The following ANKS1B variants were observed in gnomAD, a reference collection of about 807,000 sequenced individuals.
ANKS1B encodes the protein ankyrin repeat and sterile alpha motif domain-containing protein 1B.
A neutral mutation model predicts 148.3 loss-of-function variants in ANKS1B; 36 were observed. That is an observed-to-expected ratio of 0.24 (90% CI 0.19 to 0.32). The LOEUF is 0.32. ANKS1B is among the 10% of genes least tolerant of loss of function. The probability of loss-of-function intolerance (pLI) is 1.00; values close to 1 mark genes in which losing one functional copy is unlikely to be tolerated. For synonymous variants in ANKS1B, 542 were observed against 560.8 expected, an observed-to-expected ratio of 0.97 and a Z score of 0.47; for missense variants, 1,157 against 1,542.6, an observed-to-expected ratio of 0.75 and a Z score of 4.19.
chr12:99,581,906 A>AG (rs1324579385), intron 9 of ANKS1B, among the ~76,000 whole-genome samples: 2 of 151,316 alleles, frequency 1.3e-5, no homozygotes, highest in East Asian at 3.9e-4. Context: ...TCAAAAAAAA[A>AG]AAAAAAAAAG....
intron 1 of ANKS1B, among the ~76,000 whole-genome samples, chr12:99,966,331 GA>G (rs1385297269): frequency 2.0e-5 from 3 of 151,456 alleles, no homozygotes; most frequent in South Asian, 2.1e-4. Flanking sequence ...ATGGTTCGGG[GA>G]AAAAAAAGGT....
At chr12:99,764,448 GTTTCACTCTTGTCAT>G (rs2062454288) in intron 8 of ANKS1B, among the ~76,000 whole-genome samples, 1 of 152,144 alleles carries the variant, frequency 6.6e-6, no homozygotes, top group Non-Finnish European at 1.5e-5. Context: ...TAGAGACAGA[GTTTCACTCTTGTCAT>G]CCAGGCTGGA....
intron 19 of ANKS1B, among the ~76,000 whole-genome samples, chr12:98,823,089 C>T (rs1263817396): frequency 7.9e-5 from 12 of 152,200 alleles, no homozygotes; most frequent in African/African-American, 2.9e-4. Flanking sequence ...TATGGAAGCG[C>T]TATTTTCCAC....
chr12:99,763,700 T>C (rs1459286285), intron 8 of ANKS1B, among the ~76,000 whole-genome samples: 1 of 151,556 alleles, frequency 6.6e-6, no homozygotes, highest in Non-Finnish European at 1.5e-5. Flanking sequence ...ATCTCAATAA[T>C]ACAGAAAGAA....
chr12:98,864,645 C>A (rs2099615522), intron 17 of ANKS1B, among the ~76,000 whole-genome samples: 1 of 152,198 alleles, frequency 6.6e-6, no homozygotes, highest in Admixed American at 6.5e-5. Flanking sequence ...GACTTGCCAG[C>A]CTCCATAACT....
chr12:98,919,218 G>C (rs1057179999), intron 17 of ANKS1B, among the ~76,000 whole-genome samples: 1 of 151,976 alleles, frequency 6.6e-6, no homozygotes, highest in Non-Finnish European at 1.5e-5. Flanking sequence ...ATTTATTTTG[G>C]TGTATTTGAA....
chr12:98,895,192 G>A (rs1326071374), intron 17 of ANKS1B: 9 of 984,856 alleles, frequency 9.1e-6, no homozygotes, highest in Non-Finnish European at 1.1e-5. Context: ...CGCGGGGGCT[G>A]CAGGGCGCCT....
intron 1 of ANKS1B, among the ~76,000 whole-genome samples, chr12:99,849,430 T>A (rs1028638403): frequency 6.6e-6 from 1 of 152,076 alleles, no homozygotes; most frequent in Non-Finnish European, 1.5e-5. Flanking sequence ...TGAATTCTCA[T>A]ACCCTGCTAG....
chr12:99,061,154 T>C (rs575531242), intron 16 of ANKS1B, among the ~76,000 whole-genome samples: 17 of 152,328 alleles, frequency 1.1e-4, no homozygotes, highest in Middle Eastern at 6.8e-3. Context: ...ATACATCAGC[T>C]TTTTTTCTGG....
chr12:99,483,007 G>A (rs1284793767), intron 10 of ANKS1B, among the ~76,000 whole-genome samples: 1 of 151,066 alleles, frequency 6.6e-6, no homozygotes, highest in Non-Finnish European at 1.5e-5. Flanking sequence ...TTGCTTAATT[G>A]CTCTGGCTAG....
chr12:99,848,394 C>A (rs2087072376), intron 1 of ANKS1B, among the ~76,000 whole-genome samples: 1 of 151,944 alleles, frequency 6.6e-6, no homozygotes, highest in Admixed American at 6.6e-5. Context: ...GTTGCTTTTG[C>A]AAAGAGAAAA....
chr12:98,818,157 TTCCCTCCCTCCCTC>T (rs1426300498), intron 19 of ANKS1B, among the ~76,000 whole-genome samples: 6,742 of 47,514 alleles, frequency 0.14, 284 homozygotes, highest in African/African-American at 0.3. Flanking sequence ...CCCTCCCTCC[TTCCCTCCCTCCCTC>T]CCTTCCTTCC....
intron 17 of ANKS1B, among the ~76,000 whole-genome samples, chr12:98,979,667 A>ATTT (rs58780711): frequency 7.1e-4 from 105 of 148,060 alleles, no homozygotes; most frequent in African/African-American, 2.4e-3. Context: ...ATGCTTTTAG[A>ATTT]TTTTTTTTTT....
Position 99,358,686 on chromosome 12 carries a change from TAC to T in ANKS1B, c.1756+40943_1756+40944del, listed in dbSNP as rs34631898. On this transcript the variant is annotated intron_variant, in intron 12 of 26. Coordinates refer to ENST00000683438, the MANE Select transcript of ANKS1B (RefSeq NM_001352186.2). ...CTCACTGTGCATGTGTGTGCATGCATACACACACACACACACACACAGGCACA... is the reference window on the plus strand; with the variant it reads ...CTCACTGTGCATGTGTGTGCATGCATACACACACACACACACACAGGCACA... Among the ~76,000 whole-genome samples, 82 of 149,296 alleles carry T rather than the reference TAC, an allele frequency of 5.5e-4. 1 individual carries two copies. Among genetic ancestry groups the T allele is most frequent in the Middle Eastern group, 3.6e-3 (1 of 280 alleles).
intron 17 of ANKS1B, among the ~76,000 whole-genome samples, chr12:98,832,421 C>A (rs545567332): frequency 2.8e-4 from 43 of 152,144 alleles, no homozygotes; most frequent in Non-Finnish European, 5.7e-4. Context: ...GAGAAACCAG[C>A]TCTTCTTATA....
At chr12:99,590,471 A>G (rs2097691854) in intron 9 of ANKS1B, among the ~76,000 whole-genome samples, 6 of 152,044 alleles carry the variant, frequency 3.9e-5, no homozygotes, top group African/African-American at 9.7e-5. Context: ...TAGAGATCCT[A>G]TTTCTCATGT....
chr12:98,772,786 A>G (rs1222708407), intron 25 of ANKS1B, among the ~76,000 whole-genome samples: 4 of 152,188 alleles, frequency 2.6e-5, no homozygotes, highest in Non-Finnish European at 5.9e-5. Flanking sequence ...GAGGCCTCAG[A>G]AGAAACCAAA....
chr12:99,652,973 T>C (rs1055923725), intron 9 of ANKS1B, among the ~76,000 whole-genome samples: 45 of 152,158 alleles, frequency 3.0e-4, no homozygotes, highest in African/African-American at 1.0e-3. Context: ...GGATAGTTTT[T>C]TTAAATTACA....
chr12:99,300,747 T>C (rs1047491337), intron 12 of ANKS1B, among the ~76,000 whole-genome samples: 2 of 152,170 alleles, frequency 1.3e-5, no homozygotes, highest in African/African-American at 2.4e-5. Context: ...GGTTCAGCCT[T>C]GATCTGGTTT....
Sources: gnomAD v4.1 joint callset for allele counts (sites outside exome capture counted in the v4.1 genomes callset) on GRCh38, gnomAD v4.1.1 for gene constraint, MANE v1.5 for transcripts, NCBI Gene and HGNC (gene_info 2026-07-23, HGNC 2026-07-21) for gene names.